ZNF654: variants seen among roughly 807,000 people sequenced by gnomAD.
ZNF654 encodes zinc finger protein 654, also known as melanoma-associated antigen.
ZNF654 carries 19 observed loss-of-function variants against 95.3 expected under a neutral mutation model. The ratio of observed to expected loss-of-function variants is 0.20; its 90% confidence interval spans 0.14 to 0.29. The LOEUF (loss-of-function observed/expected upper bound fraction) is 0.29. Ranked by LOEUF, ZNF654 falls within the 10% of genes least tolerant of loss-of-function variation. ZNF654 has a pLI of 1.00. For missense variants in ZNF654, 1,046 were observed against 1,341.0 expected, an observed-to-expected ratio of 0.78 and a Z score of 3.44; for synonymous variants, 413 against 457.9, an observed-to-expected ratio of 0.90 and a Z score of 1.25.
In ZNF654 at chr3:88,138,686, A is replaced by G. The variant is rs1706953006; in HGVS notation, c.1036-19A>G. On this transcript the variant is annotated intron_variant, in intron 7 of 8. Transcript: ENST00000636215. ...TTTTGGAAAAAAAGTATTTAGCACT[A>G]ATATTTTTCTTTTTACAGGTTGAAG... The G allele has an allele frequency of 8.2e-7, 1 of 1,221,940 alleles. No homozygotes were observed. Among genetic ancestry groups the G allele is most frequent in the African/African-American group, 1.6e-5 (1 of 64,188 alleles). The allele number at this position is 1,221,940 out of a possible 1,614,324, so 75.7% of individuals were successfully genotyped here.
intron 2 of ZNF654, among the ~76,000 whole-genome samples, chr3:88,094,129 G>T (rs1272136298): frequency 1.3e-5 from 2 of 149,296 alleles, no homozygotes; most frequent in Admixed American, 6.6e-5. Flanking sequence ...GGCAGTTGGT[G>T]GTCTTAATTC....
At chr3:88,125,414 A>T (rs930632023) in intron 3 of ZNF654, among the ~76,000 whole-genome samples, 1 of 152,202 alleles carries the variant, frequency 6.6e-6, no homozygotes, top group Non-Finnish European at 1.5e-5. Flanking sequence ...AGATTCTCTG[A>T]AAAACATTTC....
chr3:88,133,674 C>A (rs1294246181), intron 6 of ZNF654, among the ~76,000 whole-genome samples: 1 of 152,032 alleles, frequency 6.6e-6, no homozygotes, highest in Admixed American at 6.6e-5. Flanking sequence ...CCTGAAACTC[C>A]TAACTCTACA....
At chr3:88,098,224 A>C (rs2107705066) in intron 2 of ZNF654, among the ~76,000 whole-genome samples, 1 of 152,344 alleles carries the variant, frequency 6.6e-6, no homozygotes, top group South Asian at 2.1e-4. Context: ...TAAACTAGAA[A>C]ATCTAGAAGA....
chr3:88,129,842 T>C lies in ZNF654; in HGVS notation c.893+16T>C. The C allele has an allele frequency of 7.1e-7, 1 of 1,402,862 alleles. No homozygotes were observed. The highest frequency in any genetic ancestry group is 9.4e-7 in the Non-Finnish European group (1 of 1,068,886). 86.9% of individuals were successfully genotyped at this position (1,402,862 alleles called of 1,614,324 possible). A position where few individuals can be genotyped will look rare whatever the true frequency, so the allele number is the denominator to read the frequency against. On this transcript the variant is annotated intron_variant, in intron 6 of 8. Coordinates refer to ENST00000636215, the MANE Select transcript of ZNF654 (RefSeq NM_001350134.2). Reference sequence around the variant, plus strand: ...ACTGTATCTGGTAAGTGTTTGTAAATAAAGAAATTGAAATGGTAAGATGGG... The same window carrying C: ...ACTGTATCTGGTAAGTGTTTGTAAACAAAGAAATTGAAATGGTAAGATGGG...
intron 2 of ZNF654, among the ~76,000 whole-genome samples, chr3:88,088,744 TTATGTATGTATG>T (rs10574923): frequency 2.7e-5 from 4 of 148,508 alleles, no homozygotes; most frequent in Admixed American, 6.7e-5. Flanking sequence ...AAACCTTTAT[TTATGTATGTATG>T]TATGTATGGA....
At chr3:88,138,251 A>G (rs1303261471) in intron 7 of ZNF654, among the ~76,000 whole-genome samples, 2 of 152,212 alleles carry the variant, frequency 1.3e-5, no homozygotes, top group Non-Finnish European at 2.9e-5. Context: ...CTATAATAAA[A>G]GTTCCCATAA....
intron 1 of ZNF654, among the ~76,000 whole-genome samples, chr3:88,081,110 C>T (rs963959856): frequency 6.6e-6 from 1 of 152,072 alleles, no homozygotes; most frequent in Non-Finnish European, 1.5e-5. Flanking sequence ...GAATATCCCT[C>T]AGTTTGGGTT....
chr3:88,059,851 C>T (rs369190713), intron 1 of ZNF654, among the ~76,000 whole-genome samples: 2 of 152,236 alleles, frequency 1.3e-5, no homozygotes, highest in East Asian at 3.9e-4. Flanking sequence ...TGTTTCCTAC[C>T]CTGGTCTTTC....
intron 2 of ZNF654, among the ~76,000 whole-genome samples, chr3:88,110,354 A>G (rs891559022): frequency 6.6e-6 from 1 of 152,070 alleles, no homozygotes; most frequent in Non-Finnish European, 1.5e-5. Flanking sequence ...TCACTGGTCA[A>G]CTCTACCACT....
Position 88,083,952 on chromosome 3 carries a change from T to C in ZNF654, c.187-2305T>C, listed in dbSNP as rs1434530772. Among the ~76,000 whole-genome samples the C allele has an allele frequency of 3.0e-5, 4 of 134,326 alleles. No individual in the cohort carries two copies. The East Asian group carries it at 8.4e-4, about 28-fold the overall frequency. The allele number at this position is 134,326 out of a possible 152,430, so 88.1% of individuals were successfully genotyped here. On this transcript the variant is annotated intron_variant, in intron 1 of 8. Coordinates refer to ENST00000636215, the MANE Select transcript of ZNF654 (RefSeq NM_001350134.2). The stretch of plus-strand genomic sequence containing the variant: ...GTAATGTACTTATTTTATATATATA[T>C]ATATATATATATATAGAAAATATTT...
intron 2 of ZNF654, among the ~76,000 whole-genome samples, chr3:88,092,687 AAT>A (rs1469918031): frequency 5.3e-5 from 8 of 152,202 alleles, no homozygotes; most frequent in African/African-American, 1.9e-4. Flanking sequence ...TTTATTAAAT[AAT>A]GTTATAAAAT....
intron 2 of ZNF654, among the ~76,000 whole-genome samples, chr3:88,104,026 G>T (rs1196278066): frequency 2.6e-5 from 4 of 151,858 alleles, no homozygotes; most frequent in African/African-American, 9.7e-5. Flanking sequence ...CCTCTGCTGG[G>T]ATTACAGGCC....
intron 1 of ZNF654, among the ~76,000 whole-genome samples, chr3:88,072,754 A>C (rs1012582486): frequency 2.6e-5 from 4 of 152,006 alleles, no homozygotes; most frequent in African/African-American, 9.7e-5. Flanking sequence ...ATCCCTCCAC[A>C]AAAAAATGAA....
intron 2 of ZNF654, among the ~76,000 whole-genome samples, chr3:88,086,753 A>G (rs890606508): frequency 2.0e-5 from 3 of 152,156 alleles, no homozygotes; most frequent in Admixed American, 6.5e-5. Context: ...CAGGTCAGAA[A>G]GAGGTTAGGA....
At chr3:88,113,222 C>T (rs1300363897) in intron 3 of ZNF654, 26 bp downstream of exon 3, 21 of 1,407,484 alleles carry the variant, frequency 1.5e-5, no homozygotes, top group Non-Finnish European at 2.0e-5. Context: ...CTACTTCACA[C>T]TTTGTCTACA....
At chr3:88,119,079 T>C (rs1705594182) in intron 3 of ZNF654, among the ~76,000 whole-genome samples, 3 of 149,612 alleles carry the variant, frequency 2.0e-5, no homozygotes, top group African/African-American at 5.0e-5. Context: ...TAAAGACACA[T>C]GCACACGTAT....
rs546515287 is a variant in ZNF654 at position 88,124,783 on chromosome 3, T to C, written c.415-1351T>C. On this transcript the variant is annotated intron_variant, in intron 3 of 8. Coordinates refer to ENST00000636215, the MANE Select transcript of ZNF654 (RefSeq NM_001350134.2). ...ATGTACAATACTCAGTTTTTTTTTT[T>C]TCAACATTGCCAGTTTCTACATCTA... 2.6e-5 allele frequency among the ~76,000 whole-genome samples: 4 copies of C among 151,102 alleles called. No homozygotes were observed. In the East Asian group the frequency reaches 7.7e-4, roughly 29 times the overall value.
chr3:88,112,243 T>G (rs768290732), intron 2 of ZNF654, among the ~76,000 whole-genome samples: 5 of 150,988 alleles, frequency 3.3e-5, no homozygotes, highest in Non-Finnish European at 7.4e-5. Context: ...TTACATTTTA[T>G]AATTTTAGTC....
Sources: gnomAD v4.1 joint callset for allele counts (sites outside exome capture counted in the v4.1 genomes callset) on GRCh38, gnomAD v4.1.1 for gene constraint, MANE v1.5 for transcripts, NCBI Gene and HGNC (gene_info 2026-07-23, HGNC 2026-07-21) for gene names.